LINGO2: variants seen among roughly 807,000 people sequenced by gnomAD.
The protein encoded by LINGO2 is leucine rich repeat and Ig domain containing 2.
Under a neutral mutation model 30.6 loss-of-function variants are expected in LINGO2, and 14 were observed. The ratio of observed to expected loss-of-function variants is 0.46; its 90% confidence interval spans 0.30 to 0.72. LINGO2 has a LOEUF of 0.72. LINGO2 is among the 30% of genes least tolerant of loss of function. LINGO2 has a pLI of 0.07. For missense variants in LINGO2, 729 were observed against 751.7 expected (o/e 0.97, Z 0.35); for synonymous variants, 317 against 288.5 (o/e 1.10, Z -1.00).
intron 1 of LINGO2, among the ~76,000 whole-genome samples, chr9:28,551,042 C>T (rs943357580): frequency 6.6e-6 from 1 of 151,768 alleles, no homozygotes; most frequent in African/African-American, 2.4e-5. Context: ...AGTATATTAA[C>T]ATTCAATATA....
intron 3 of LINGO2, among the ~76,000 whole-genome samples, chr9:28,339,953 G>A (rs1409920210): frequency 6.6e-6 from 1 of 152,120 alleles, no homozygotes; most frequent in African/African-American, 2.4e-5. Context: ...TGCCTCTAAT[G>A]ATCTTGCAAA....
chr9:28,604,014 C>T (rs1014284968), intron 1 of LINGO2, among the ~76,000 whole-genome samples: 1 of 151,944 alleles, frequency 6.6e-6, no homozygotes. Flanking sequence ...TTTTAGCCTT[C>T]GAGTTTTTCT....
chr9:28,591,694 G>T (rs1028766895), intron 1 of LINGO2, among the ~76,000 whole-genome samples: 3 of 152,022 alleles, frequency 2.0e-5, no homozygotes, highest in Non-Finnish European at 4.4e-5. Context: ...AGATGCTTAA[G>T]GGTGACAGGG....
At chr9:28,221,775 A>G (rs187533627) in intron 4 of LINGO2, among the ~76,000 whole-genome samples, 1 of 152,354 alleles carries the variant, frequency 6.6e-6, no homozygotes, top group Admixed American at 6.5e-5. Context: ...AAGTGTCTTC[A>G]TTACCTCAAT....
chr9:28,722,887 T>C, the LINGO2 span, among the ~76,000 whole-genome samples: 2 of 152,032 alleles, frequency 1.3e-5, no homozygotes, highest in African/African-American at 4.8e-5. Context: ...TGGCTTTGGG[T>C]TGAAACAAAC....
chr9:28,609,207 A>G (rs544913050), intron 1 of LINGO2, among the ~76,000 whole-genome samples: 4 of 151,618 alleles, frequency 2.6e-5, no homozygotes, highest in Non-Finnish European at 5.9e-5. Flanking sequence ...AAAGTAAAAC[A>G]ATGTTTATTT....
chr9:28,065,597 T>C (rs1587800060), intron 4 of LINGO2, among the ~76,000 whole-genome samples: 2 of 152,106 alleles, frequency 1.3e-5, no homozygotes, highest in Admixed American at 6.6e-5. Flanking sequence ...CTTCTAAAAG[T>C]GTAAGATAGA....
chr9:28,880,512 C>CTG, the LINGO2 span, among the ~76,000 whole-genome samples: 1 of 152,158 alleles, frequency 6.6e-6, no homozygotes, highest in Non-Finnish European at 1.5e-5. Flanking sequence ...GCACAATGCA[C>CTG]TGTGGAAAGC....
At chr9:28,565,038 C>A (rs1381100360) in intron 1 of LINGO2, among the ~76,000 whole-genome samples, 2 of 152,048 alleles carry the variant, frequency 1.3e-5, no homozygotes, top group African/African-American at 4.8e-5. Context: ...ACTGAAATTC[C>A]ATCACCCTTC....
chr9:28,460,850 A>C (rs922279945), intron 2 of LINGO2, among the ~76,000 whole-genome samples: 1 of 151,998 alleles, frequency 6.6e-6, no homozygotes, highest in Admixed American at 6.6e-5. Context: ...TGGGAGGTGA[A>C]GAAAAGGTAA....
At chr9:29,179,913 A>G in the LINGO2 span, among the ~76,000 whole-genome samples, 27 of 152,224 alleles carry the variant, frequency 1.8e-4, no homozygotes, top group African/African-American at 6.3e-4. Flanking sequence ...AAGTTTTACA[A>G]TGATTTAGTT....
chr9:28,990,562 T>TCCCTGAC, the LINGO2 span, among the ~76,000 whole-genome samples: 1 of 152,134 alleles, frequency 6.6e-6, no homozygotes, highest in African/African-American at 2.4e-5. Flanking sequence ...TTCAAGTGGC[T>TCCCTGAC]CCCTGACCCC....
chr9:28,776,010 T>C, the LINGO2 span, among the ~76,000 whole-genome samples: 1,339 of 152,280 alleles, frequency 8.8e-3, 14 homozygotes, highest in African/African-American at 0.031. Flanking sequence ...CCCTGGCTCA[T>C]GGCAAGCACT....
chr9:28,205,048 A>G (rs1003603501), intron 4 of LINGO2, among the ~76,000 whole-genome samples: 7 of 150,872 alleles, frequency 4.6e-5, no homozygotes, highest in African/African-American at 1.5e-4. Context: ...CAATTCAGAA[A>G]TATGTGTTGA....
chr9:28,234,701 G>T (rs1394355458), intron 4 of LINGO2, among the ~76,000 whole-genome samples: 2 of 152,174 alleles, frequency 1.3e-5, no homozygotes, highest in Admixed American at 1.3e-4. Context: ...TACGCCAGTG[G>T]TTTACCAGGG....
intron 4 of LINGO2, among the ~76,000 whole-genome samples, chr9:28,167,571 G>C (rs1828466716): frequency 6.6e-6 from 1 of 152,164 alleles, no homozygotes; most frequent in Non-Finnish European, 1.5e-5. Flanking sequence ...ATTTTTAGTA[G>C]AGGTGGGGTT....
chr9:28,355,360 CCTCTGTGT>C (rs1820151174), intron 3 of LINGO2, among the ~76,000 whole-genome samples: 1 of 85,650 alleles, frequency 1.2e-5, no homozygotes, highest in African/African-American at 5.1e-5. Flanking sequence ...TCTCTCCCTC[CCTCTGTGT>C]GTGTGTGTGT....
chr9:28,193,277 C>T (rs1161992508), intron 4 of LINGO2, among the ~76,000 whole-genome samples: 3 of 152,062 alleles, frequency 2.0e-5, no homozygotes, highest in African/African-American at 7.2e-5. Context: ...TTTTCATTTT[C>T]CATGTTATTT....
rs115487278 is a variant in LINGO2, at chr9:28,663,736, G to A, written c.-365+6464C>T. On this transcript the variant is annotated intron_variant, in intron 1 of 5. Transcript: ENST00000379992. ...AAAGAACACATAAACCATTTAAAAA[G>A]GTTATTTTTAATTGTAGCTCCCTTC... 9.3e-3 allele frequency among the ~76,000 whole-genome samples: 1,416 copies of A among 152,152 alleles called. 21 individuals carry two copies. The highest frequency in any genetic ancestry group is 0.033 in the African/African-American group (1,363 of 41,530).
Sources: allele counts gnomAD v4.1 joint callset (sites outside exome capture counted in the v4.1 genomes callset), GRCh38; gene constraint gnomAD v4.1.1; transcripts MANE v1.5; gene names NCBI Gene and HGNC (gene_info 2026-07-23, HGNC 2026-07-21).